The following ZNF407 variants were observed in gnomAD, a reference collection of about 807,000 sequenced individuals.
The protein encoded by ZNF407 is zinc finger protein 407.
In ZNF407, 17 loss-of-function variants were observed where a neutral mutation model predicts 131.2. The observed-to-expected ratio is 0.13, with a 90% confidence interval of 0.09 to 0.19. The LOEUF (loss-of-function observed/expected upper bound fraction) is 0.19. Ranked by LOEUF, ZNF407 falls within the 10% of genes least tolerant of loss-of-function variation. ZNF407 has a pLI of 1.00. For synonymous variants in ZNF407, 1,156 were observed against 1,062.0 expected, an observed-to-expected ratio of 1.09 and a Z score of -1.72; for missense variants, 2,681 against 2,830.6, an observed-to-expected ratio of 0.95 and a Z score of 1.20.
intron 3 of ZNF407, among the ~76,000 whole-genome samples, chr18:74,725,258 C>T (rs990455353): frequency 6.6e-6 from 1 of 152,130 alleles, no homozygotes; most frequent in African/African-American, 2.4e-5. Flanking sequence ...AGCTCAGACT[C>T]CCTGAGTAGC....
At chr18:74,823,669 A>G (rs1970371791) in intron 4 of ZNF407, among the ~76,000 whole-genome samples, 1 of 152,248 alleles carries the variant, frequency 6.6e-6, no homozygotes, top group Non-Finnish European at 1.5e-5. Context: ...TAACTATCGT[A>G]AATATGTATG....
chr18:74,694,502 A>G (rs1033291927), intron 3 of ZNF407, among the ~76,000 whole-genome samples: 1 of 151,326 alleles, frequency 6.6e-6, no homozygotes, highest in East Asian at 2.0e-4. Context: ...GTATGCAGCC[A>G]AGGATTCATA....
chr18:75,014,951 GA>G (rs1213590404), intron 8 of ZNF407, among the ~76,000 whole-genome samples: 2 of 152,022 alleles, frequency 1.3e-5, no homozygotes, highest in Non-Finnish European at 2.9e-5. Context: ...TCTAAGAACT[GA>G]AACAAATATT....
At chr18:74,904,995 A>G (rs932406744) in intron 7 of ZNF407, among the ~76,000 whole-genome samples, 10 of 152,228 alleles carry the variant, frequency 6.6e-5, no homozygotes, top group Non-Finnish European at 1.5e-4. Context: ...CTAAGTGGAC[A>G]CGGTGGGTTT....
At chr18:74,778,272 G>A (rs575278870) in intron 3 of ZNF407, among the ~76,000 whole-genome samples, 1 of 152,200 alleles carries the variant, frequency 6.6e-6, no homozygotes, top group African/African-American at 2.4e-5. Context: ...TTGAGACTCT[G>A]CCTTCAGAGG....
chr18:74,741,146 A>C (rs1187434895), intron 3 of ZNF407, among the ~76,000 whole-genome samples: 1 of 152,176 alleles, frequency 6.6e-6, no homozygotes, highest in Non-Finnish European at 1.5e-5. Flanking sequence ...TGTAAAACCA[A>C]GGCAGTAAAC....
chr18:74,984,652 A>G (rs1972631906), intron 8 of ZNF407, among the ~76,000 whole-genome samples: 1 of 152,246 alleles, frequency 6.6e-6, no homozygotes, highest in African/African-American at 2.4e-5. Flanking sequence ...CCTAAAAACT[A>G]AATGATGGTT....
chr18:74,915,546 G>A (rs567340060), intron 7 of ZNF407, among the ~76,000 whole-genome samples: 8 of 132,722 alleles, frequency 6.0e-5, no homozygotes, highest in Non-Finnish European at 1.1e-4. Flanking sequence ...GCATTGGTTC[G>A]AATCGGGAGT....
At chr18:75,060,568 C>G (rs1170384078) in intron 8 of ZNF407, among the ~76,000 whole-genome samples, 1 of 144,356 alleles carries the variant, frequency 6.9e-6, no homozygotes, top group South Asian at 2.2e-4. Flanking sequence ...TGCGATGGCG[C>G]GGTCTCGGCT....
chr18:74,778,038 A>C (rs1295428493), intron 3 of ZNF407, among the ~76,000 whole-genome samples: 1 of 152,214 alleles, frequency 6.6e-6, no homozygotes, highest in East Asian at 1.9e-4. Flanking sequence ...GCTATTTAAA[A>C]AAAATAAAAA....
At chr18:74,853,816 C>CAAGTGTGGCTT (rs550349847) in intron 4 of ZNF407, among the ~76,000 whole-genome samples, 1 of 152,090 alleles carries the variant, frequency 6.6e-6, no homozygotes, top group Non-Finnish European at 1.5e-5. Flanking sequence ...CAGTAGGAGA[C>CAAGTGTGGCTT]AAGTGTGGCT....
At chr18:74,943,251 A>G (rs1972120263) in intron 8 of ZNF407, among the ~76,000 whole-genome samples, 1 of 152,196 alleles carries the variant, frequency 6.6e-6, no homozygotes, top group African/African-American at 2.4e-5. Flanking sequence ...GCCCAGAGAG[A>G]TATAACTAAT....
At chr18:74,895,959 T>A (rs141450117) in intron 7 of ZNF407, among the ~76,000 whole-genome samples, 9 of 152,278 alleles carry the variant, frequency 5.9e-5, no homozygotes, top group African/African-American at 1.9e-4. Context: ...ATAGAACAAA[T>A]GTGGTTTTGC....
intron 3 of ZNF407, among the ~76,000 whole-genome samples, chr18:74,699,213 G>A (rs1174638714): frequency 2.0e-5 from 3 of 152,098 alleles, no homozygotes; most frequent in African/African-American, 2.4e-5. Context: ...GCAAAGATAA[G>A]ATCTGCTATG....
At chr18:74,922,889 C>G (rs1971865139) in intron 8 of ZNF407, among the ~76,000 whole-genome samples, 1 of 152,162 alleles carries the variant, frequency 6.6e-6, no homozygotes, top group Non-Finnish European at 1.5e-5. Context: ...TGATGTCTGG[C>G]CCTGAAAACT....
Position 74,634,174 on chromosome 18 carries a change from A to G in ZNF407, c.3155A>G (p.Asp1052Gly). The change falls in exon 2 of 9, where the codon GAT (aspartate) becomes GGT (glycine). Residue 1052 changes from aspartate (D) to glycine (G), a missense_variant. By Grantham distance (94) the Asp-to-Gly change is moderately conservative. Coordinates refer to ENST00000299687, the MANE Select transcript of ZNF407 (RefSeq NM_017757.3). ...KEFEFYCMACDYYAVTRREMT... is the reference protein window; with the variant it reads ...KEFEFYCMACGYYAVTRREMT... ...TTTGAGTTTTATTGCATGGCATGCG[A>G]TTACTACGCGGTGACTCGTCGCGAG... 2 of 1,614,044 alleles carry G rather than the reference A, an allele frequency of 1.2e-6. No homozygotes were observed. The highest frequency in any genetic ancestry group is 1.7e-6 in the Non-Finnish European group (2 of 1,179,902).
At chr18:74,929,744 C>A (rs1971960423) in intron 8 of ZNF407, among the ~76,000 whole-genome samples, 1 of 152,118 alleles carries the variant, frequency 6.6e-6, no homozygotes, top group African/African-American at 2.4e-5. Flanking sequence ...ACAAGTCTTT[C>A]AAATTATCAG....
At chr18:75,060,879 A>G (rs912118324) in intron 8 of ZNF407, among the ~76,000 whole-genome samples, 3 of 152,226 alleles carry the variant, frequency 2.0e-5, no homozygotes, top group African/African-American at 7.2e-5. Context: ...GAAAGAAGAT[A>G]TATTAATTAG....
At chr18:74,623,056 G>T (rs1422576976) in intron 1 of ZNF407, among the ~76,000 whole-genome samples, 1 of 151,836 alleles carries the variant, frequency 6.6e-6, no homozygotes, top group Admixed American at 6.6e-5. Flanking sequence ...ATGAGTGCAT[G>T]TGAGTGAAGA....
Sources: gnomAD v4.1 joint callset for allele counts (sites outside exome capture counted in the v4.1 genomes callset) on GRCh38, gnomAD v4.1.1 for gene constraint, MANE v1.5 for transcripts, NCBI Gene and HGNC (gene_info 2026-07-23, HGNC 2026-07-21) for gene names.